CSMD1: variants seen among roughly 807,000 people sequenced by gnomAD.
The protein encoded by CSMD1 is CUB and sushi domain-containing protein 1.
In CSMD1, 213 loss-of-function variants were observed where a neutral mutation model predicts 417.5. The observed-to-expected ratio is 0.51, with a 90% CI of 0.46 to 0.57. CSMD1 has a LOEUF of 0.57. Among genes scored for constraint, CSMD1 ranks in the 20% least tolerant of loss-of-function variants. The pLI is 0.00. For missense variants in CSMD1, 6,923 were observed against 4,529.7 expected, an observed-to-expected ratio of 1.53 and a Z score of -15.17; for synonymous variants, 2,862 against 1,736.8, an observed-to-expected ratio of 1.65 and a Z score of -16.11.
At chr8:3,951,294 G>C (rs546295197) in intron 5 of CSMD1, among the ~76,000 whole-genome samples, 1 of 152,160 alleles carries the variant, frequency 6.6e-6, no homozygotes, top group Non-Finnish European at 1.5e-5. Flanking sequence ...CCACCTTTGT[G>C]TCTTCCATGG....
intron 1 of CSMD1, among the ~76,000 whole-genome samples, chr8:4,967,033 C>T (rs1345024337): frequency 6.6e-6 from 1 of 152,144 alleles, no homozygotes; most frequent in African/African-American, 2.4e-5. Flanking sequence ...ATTGACCAGA[C>T]ATCGCAGTGT....
intron 11 of CSMD1, among the ~76,000 whole-genome samples, chr8:3,481,522 C>A (rs1288931478): frequency 1.3e-5 from 2 of 152,182 alleles, no homozygotes; most frequent in Non-Finnish European, 2.9e-5. Flanking sequence ...CCTGTCCAAT[C>A]CTGCTCTCAC....
intron 7 of CSMD1, among the ~76,000 whole-genome samples, chr8:3,684,473 G>A (rs1799836464): frequency 6.7e-6 from 1 of 150,196 alleles, no homozygotes; most frequent in South Asian, 2.1e-4. Flanking sequence ...ATAGGTTTTG[G>A]GATTTTTCTT....
intron 3 of CSMD1, among the ~76,000 whole-genome samples, chr8:4,344,817 C>G (rs1259419822): frequency 6.6e-6 from 1 of 152,066 alleles, no homozygotes; most frequent in Admixed American, 6.6e-5. Flanking sequence ...TGATATATAG[C>G]AGCTGATCTT....
chr8:3,621,926 G>C (rs1016710896), intron 7 of CSMD1, among the ~76,000 whole-genome samples: 11 of 151,496 alleles, frequency 7.3e-5, no homozygotes, highest in Admixed American at 1.3e-4. Context: ...GCTTATAATG[G>C]TTAAAACCAG....
intron 1 of CSMD1, among the ~76,000 whole-genome samples, chr8:4,762,289 G>T (rs1036874948): frequency 2.6e-5 from 4 of 152,034 alleles, no homozygotes; most frequent in African/African-American, 9.7e-5. Context: ...GGTAATTGGG[G>T]AGAGAGAAAG....
intron 7 of CSMD1, among the ~76,000 whole-genome samples, chr8:3,671,021 G>A (rs1406313823): frequency 2.0e-5 from 2 of 99,726 alleles, no homozygotes; most frequent in African/African-American, 3.7e-5. Flanking sequence ...ATATGTATAT[G>A]GGATATATGC....
At chr8:2,975,781 C>G (rs553518023) in intron 55 of CSMD1, among the ~76,000 whole-genome samples, 1 of 152,216 alleles carries the variant, frequency 6.6e-6, no homozygotes, top group African/African-American at 2.4e-5. Flanking sequence ...GCAAAGGCAC[C>G]CTGAGATCTT....
At chr8:4,470,780 A>G (rs1169184435) in intron 2 of CSMD1, among the ~76,000 whole-genome samples, 1 of 152,222 alleles carries the variant, frequency 6.6e-6, no homozygotes, top group Non-Finnish European at 1.5e-5. Context: ...TATTTAGACA[A>G]TATTTAAGGA....
intron 1 of CSMD1, among the ~76,000 whole-genome samples, chr8:4,947,258 C>G (rs1262883565): frequency 6.6e-6 from 1 of 152,068 alleles, no homozygotes; most frequent in Non-Finnish European, 1.5e-5. Context: ...TTAAAATTAC[C>G]TTGGCAATGA....
At chr8:4,930,431 G>A (rs1048592904) in intron 1 of CSMD1, among the ~76,000 whole-genome samples, 3 of 151,980 alleles carry the variant, frequency 2.0e-5, no homozygotes, top group Admixed American at 6.6e-5. Context: ...GAGAAGTGGC[G>A]CTTAAAGAGA....
At chr8:3,492,188 T>C (rs956229973) in intron 11 of CSMD1, among the ~76,000 whole-genome samples, 6 of 152,066 alleles carry the variant, frequency 3.9e-5, no homozygotes, top group African/African-American at 1.4e-4. Context: ...AGCCAAGATG[T>C]TTGATTATTC....
intron 5 of CSMD1, among the ~76,000 whole-genome samples, chr8:3,839,067 T>C (rs1201068465): frequency 2.4e-5 from 3 of 126,852 alleles, no homozygotes; most frequent in Non-Finnish European, 4.7e-5. Context: ...AGCCTATAGA[T>C]ATATAGCCTA....
At chr8:4,030,264 T>G (rs1017678868) in intron 4 of CSMD1, among the ~76,000 whole-genome samples, 2 of 152,210 alleles carry the variant, frequency 1.3e-5, no homozygotes, top group African/African-American at 4.8e-5. Flanking sequence ...CCTCCTGCAC[T>G]GCCCTAGCAA....
At chr8:3,827,546 A>G (rs1250859390) in intron 5 of CSMD1, among the ~76,000 whole-genome samples, 1 of 152,158 alleles carries the variant, frequency 6.6e-6, no homozygotes, top group Non-Finnish European at 1.5e-5. Flanking sequence ...ATATTCCTGA[A>G]ATGTTTTCTG....
intron 5 of CSMD1, among the ~76,000 whole-genome samples, chr8:3,819,561 C>CACACACACTT (rs3219854): frequency 0.015 from 2,257 of 149,864 alleles, 72 homozygotes; most frequent in African/African-American, 0.049. Context: ...CACACACACA[C>CACACACACTT]GTATGTATAT....
chr8:3,357,048 C>A (rs1255202861), intron 21 of CSMD1, among the ~76,000 whole-genome samples: 2 of 151,388 alleles, frequency 1.3e-5, no homozygotes, highest in African/African-American at 4.9e-5. Context: ...TGAGGTGGGG[C>A]TAGGAGGGTG....
At chr8:4,535,682 G>T (rs138389982) in intron 2 of CSMD1, among the ~76,000 whole-genome samples, 1 of 152,066 alleles carries the variant, frequency 6.6e-6, no homozygotes, top group Non-Finnish European at 1.5e-5. Flanking sequence ...TTTCTGAGGA[G>T]CCCTGATCTC....
intron 26 of CSMD1, among the ~76,000 whole-genome samples, chr8:3,282,097 C>A (rs891676776): frequency 6.6e-6 from 1 of 152,170 alleles, no homozygotes. Flanking sequence ...AATTAAACCT[C>A]TTTTCTTGAT....
Sources: allele counts gnomAD v4.1 joint callset (sites outside exome capture counted in the v4.1 genomes callset), GRCh38; gene constraint gnomAD v4.1.1; transcripts MANE v1.5; gene names NCBI Gene and HGNC (gene_info 2026-07-23, HGNC 2026-07-21).